Variants in SGO1 observed in about 807,000 individuals in gnomAD.
SGO1 encodes serologically defined breast cancer antigen NY-BR-85.
A neutral mutation model predicts 50.5 loss-of-function variants in SGO1; 39 were observed. The observed-to-expected ratio is 0.77, with a 90% CI of 0.60 to 1.01. The LOEUF is 1.01. SGO1 is among the 50% of genes least tolerant of loss of function. The probability of loss-of-function intolerance (pLI) is 0.00; values close to 1 mark genes in which losing one functional copy is unlikely to be tolerated. For missense variants in SGO1, 638 were observed against 606.0 expected (o/e 1.05, Z -0.55); for synonymous variants, 191 against 205.1 (o/e 0.93, Z 0.59).
chr3:20,174,821 A>C lies in SGO1; in HGVS notation c.710T>G (p.Ile237Arg). 6.2e-7 allele frequency: 1 copy of C among 1,614,136 alleles called. No individual in the cohort carries two copies. ...GFLDPLVNMH[I>R]PENVQHNACQ... is the part of the protein sequence containing the mutation. ...AGCATTGTGTTGTACATTTTCAGGT[A>C]TGTGCATGTTTACTAGTGGGTCTAA... Residue 237 changes from isoleucine to arginine, a missense_variant, in exon 6 of 8, where the codon ATA becomes AGA. Physicochemically the swap from Ile to Arg is moderately conservative, Grantham distance 97. Transcript: ENST00000412997.
At chr3:20,166,550 A>G (rs1394672619), downstream of SGO1, among the ~76,000 whole-genome samples, 2 of 152,160 alleles carry the variant, frequency 1.3e-5, no homozygotes, top group African/African-American at 4.8e-5. Flanking sequence ...GATAGAAAGT[A>G]AAAGTAGTGG....
At position 20,182,568 on chromosome 3, in the gene SGO1, A is replaced by T. The variant is rs557509753; in HGVS notation, c.339+1040T>A. ...ACTAGCTCATCATTACTTTTTTCGT[A>T]AGTAATGATACACATTACTGTGTAC... On this transcript the variant is annotated intron_variant, in intron 3 of 7. Transcript: ENST00000412997. 2.0e-5 allele frequency among the ~76,000 whole-genome samples: 3 copies of T among 152,244 alleles called. No individual in the cohort carries two copies. In the South Asian group the frequency reaches 6.2e-4, roughly 32 times the overall value.
chr3:20,182,171 T>C (rs967831454), intron 3 of SGO1, among the ~76,000 whole-genome samples: 1 of 152,062 alleles, frequency 6.6e-6, no homozygotes, highest in Non-Finnish European at 1.5e-5. Flanking sequence ...ATACCATATA[T>C]GTACTTATTG....
intron 8 of SGO1, among the ~76,000 whole-genome samples, chr3:20,161,815 T>C (rs986219787): frequency 1.3e-5 from 2 of 152,238 alleles, no homozygotes; most frequent in African/African-American, 4.8e-5. Context: ...AATTATTGAC[T>C]TCCACTTCTG....
intron 3 of SGO1, among the ~76,000 whole-genome samples, chr3:20,179,359 G>A (rs1701755015): frequency 6.6e-6 from 1 of 152,094 alleles, no homozygotes; most frequent in African/African-American, 2.4e-5. Context: ...TATTAACTGG[G>A]GAGGCATCAG....
chr3:20,160,997 C>A, exon 9 of SGO1: 1 of 1,508,012 alleles, frequency 6.6e-7, no homozygotes, highest in South Asian at 1.2e-5. Context: ...CTGTCAACAC[C>A]CCTCCATCTC....
chr3:20,162,112 T>C (rs939022560), intron 8 of SGO1, among the ~76,000 whole-genome samples: 2 of 152,154 alleles, frequency 1.3e-5, no homozygotes, highest in African/African-American at 4.8e-5. Flanking sequence ...AGCAGAGTAA[T>C]AGACGGGAAA....
rs1575212954 is a variant in SGO1, at chr3:20,174,689, T to C, written c.842A>G (p.Lys281Arg). 1.2e-6 allele frequency: 2 copies of C among 1,613,170 alleles called. No individual in the cohort carries two copies. Among genetic ancestry groups the C allele is most frequent in the Non-Finnish European group, 1.7e-6 (2 of 1,179,782 alleles). The change falls in exon 6 of 8, where the codon AAA becomes AGA. Residue 281 changes from lysine to arginine, a missense_variant. Transcript: ENST00000412997. ...TTCTTGTGTATCTCTTTGCTTACTT[T>C]TAGTTTGTTCAGATTTAGATTCTAA... ...DILESKSEQT[K>R]SKQRDTQERK...
intron 5 of SGO1, among the ~76,000 whole-genome samples, chr3:20,176,119 G>A (rs150290224): frequency 1.3e-3 from 201 of 152,280 alleles, no homozygotes; most frequent in African/African-American, 4.7e-3. Flanking sequence ...GGTTCAAGTG[G>A]AGGAGATTGA....
chr3:20,161,181 T>C (rs1310526749), exon 9 of SGO1: 1 of 1,610,162 alleles, frequency 6.2e-7, no homozygotes, highest in Admixed American at 1.7e-5. Context: ...TCGAACATAA[T>C]ATAAAATAAA....
At chr3:20,180,256 A>C (rs1334596144) in intron 3 of SGO1, among the ~76,000 whole-genome samples, 1 of 152,194 alleles carries the variant, frequency 6.6e-6, no homozygotes, top group African/African-American at 2.4e-5. Context: ...ACTGCACTTC[A>C]GTCTAGGCAA....
intron 5 of SGO1, 73 bp from the exon 6 acceptor site, chr3:20,175,128 T>G: frequency 7.5e-7 from 1 of 1,329,932 alleles, no homozygotes; most frequent in South Asian, 2.3e-5. Context: ...ACTTTAGAAT[T>G]CAAACTAAAA....
intron 3 of SGO1, among the ~76,000 whole-genome samples, chr3:20,182,631 C>T (rs1702152474): frequency 6.6e-6 from 1 of 151,924 alleles, no homozygotes. Flanking sequence ...CAAAGAATAT[C>T]CTAAAGCAAA....
chr3:20,174,992 G>A lies in SGO1; in HGVS notation c.539C>T (p.Ser180Phe), dbSNP rs140685569. Residue 180 changes from serine (S) to phenylalanine (F), a missense_variant, in exon 6 of 8, where the codon TCT becomes TTT. Ser to Phe is a radical substitution (Grantham distance 155). Coordinates refer to ENST00000412997, the MANE Select transcript of SGO1 (RefSeq NM_001199251.3). ...GVDFDSGEAK[S>F]TDNVLPRTVS... Reference sequence around the variant, plus strand: ...AGTTCTAGGTAAGACATTATCAGTAGACTTAGCTTCACCTGAATCAAAATC... The same window carrying A: ...AGTTCTAGGTAAGACATTATCAGTAAACTTAGCTTCACCTGAATCAAAATC... 377 of 1,602,998 alleles carry A rather than the reference G, an allele frequency of 2.4e-4. 1 individual carries two copies. Among genetic ancestry groups the A allele is most frequent in the Non-Finnish European group, 2.9e-4 (335 of 1,174,370 alleles).
At chr3:20,186,453 C>T (rs1041783788), upstream of SGO1, 1 of 152,140 alleles carries the variant, frequency 6.6e-6, no homozygotes, top group African/African-American at 2.4e-5. Context: ...TACTCCGAAA[C>T]CTTTAAGGCC....
downstream of SGO1, among the ~76,000 whole-genome samples, chr3:20,166,177 G>A (rs1700290151): frequency 6.6e-6 from 1 of 152,096 alleles, no homozygotes; most frequent in African/African-American, 2.4e-5. Context: ...GTACATCAAA[G>A]GACACTATCA....
exon 9 of SGO1, chr3:20,161,212 A>G: frequency 6.2e-7 from 1 of 1,604,092 alleles, no homozygotes; most frequent in Non-Finnish European, 8.5e-7. Context: ...TTGGCAGGTG[A>G]TACCTCCAGG....
intron 8 of SGO1, among the ~76,000 whole-genome samples, chr3:20,162,053 T>C (rs930377956): frequency 6.6e-6 from 1 of 152,136 alleles, no homozygotes; most frequent in Non-Finnish European, 1.5e-5. Flanking sequence ...TATCATTGAG[T>C]TGAAGAGACA....
Position 20,169,870 on chromosome 3 carries a change from C to T in SGO1, c.*834G>A. The T allele has an allele frequency of 1.0e-6, 1 of 982,128 alleles. No homozygotes were observed. Among genetic ancestry groups the T allele is most frequent in the Non-Finnish European group, 1.2e-6 (1 of 826,946 alleles). The allele number at this position is 982,128 out of a possible 1,614,324, so 60.8% of individuals were successfully genotyped here. A position where few individuals can be genotyped will look rare whatever the true frequency, so the allele number is the denominator to read the frequency against. On this transcript the variant is annotated 3_prime_UTR_variant, in exon 8 of 8. Transcript: ENST00000412997. ...AGTGGTATAAGGAATTCATAAACAA[C>T]TTAGGGTGTACCCTACTGTAAATGT...
Sources: allele counts gnomAD v4.1 joint callset (sites outside exome capture counted in the v4.1 genomes callset), GRCh38; gene constraint gnomAD v4.1.1; transcripts MANE v1.5; gene names NCBI Gene and HGNC (gene_info 2026-07-23, HGNC 2026-07-21).